Variants in MTERF2 observed in about 807,000 individuals in gnomAD.
MTERF2 encodes mitochondrial transcription termination factor 2.
Under a neutral mutation model 29.2 loss-of-function variants are expected in MTERF2, and 23 were observed. The observed-to-expected ratio is 0.79, with a 90% CI of 0.57 to 1.12. MTERF2 has a LOEUF of 1.12. Among genes scored for constraint, MTERF2 ranks in the 50% most tolerant of loss-of-function variants. MTERF2 has a pLI of 0.00. For missense variants in MTERF2, 440 were observed against 429.4 expected, an observed-to-expected ratio of 1.02 and a Z score of -0.22; for synonymous variants, 157 against 159.5, an observed-to-expected ratio of 0.98 and a Z score of 0.12.
Position 106,977,904 on chromosome 12 carries a change from T to C in MTERF2, c.811A>G (p.Lys271Glu). The C allele has an allele frequency of 6.2e-7, 1 of 1,614,050 alleles. No individual in the cohort carries two copies. Residue 271 changes from lysine (K) to glutamate (E), a missense_variant, in exon 3 of 3, where the codon AAA becomes GAA. Physicochemically the swap from Lys to Glu is moderately conservative, Grantham distance 56 (BLOSUM62 1). Transcript: ENST00000240050. ...TGATCTGTGCATTTAAAAGCATTTT[T>C]AGAGAAGGAAATACTATTCTGTATA... ...RSIQNSISFS[K>E]NAFKCTDHDL...
intron 2 of MTERF2, among the ~76,000 whole-genome samples, chr12:106,982,822 A>G (rs548737434): frequency 6.6e-6 from 1 of 152,356 alleles, no homozygotes; most frequent in Admixed American, 6.5e-5. Context: ...CCTGTCAGGA[A>G]AAACTATCTC....
intron 2 of MTERF2, among the ~76,000 whole-genome samples, chr12:106,983,332 C>T (rs917349306): frequency 6.6e-6 from 1 of 152,162 alleles, no homozygotes; most frequent in Admixed American, 6.5e-5. Flanking sequence ...CCTCCAGACA[C>T]CAGTTACCTC....
chr12:106,983,333 C>T (rs1952073471), intron 2 of MTERF2, among the ~76,000 whole-genome samples: 1 of 152,166 alleles, frequency 6.6e-6, no homozygotes, highest in African/African-American at 2.4e-5. Flanking sequence ...CTCCAGACAC[C>T]AGTTACCTCT....
At position 106,977,728 on chromosome 12, in the gene MTERF2, T is replaced by C. The variant is rs772046361; in HGVS notation, c.987A>G (p.Ile329Met). 2 of 1,614,024 alleles carry C rather than the reference T, an allele frequency of 1.2e-6. No individual in the cohort carries two copies. Among genetic ancestry groups the C allele is most frequent in the African/African-American group, 1.3e-5 (1 of 75,056 alleles). The change falls in exon 3 of 3, where the codon ATA becomes ATG. Residue 329 changes from isoleucine to methionine, a missense_variant. Physicochemically the swap from Ile to Met is conservative, Grantham distance 10 (BLOSUM62 1). Coordinates refer to ENST00000240050, the MANE Select transcript of MTERF2 (RefSeq NM_001033050.3). ...TPMVLELTPQIVQYRIRKLNS... is the reference protein window; with the variant it reads ...TPMVLELTPQMVQYRIRKLNS... The stretch of plus-strand genomic sequence containing the variant: ...TCAGTTTCCTTATCCTGTACTGTAC[T>C]ATCTGTGGTGTTAATTCAAGAACCA...
rs748396297 is a variant in MTERF2 at position 106,978,079 on chromosome 12, C to T, written c.636G>A (p.Leu212=). 4 of 1,613,802 alleles carry T rather than the reference C, an allele frequency of 2.5e-6. No homozygotes were observed. The highest frequency in any genetic ancestry group is 1.7e-5 in the Admixed American group (1 of 59,936). Residue 212 remains leucine, a synonymous_variant, in exon 3 of 3, where the codon TTG becomes TTA. Coordinates refer to ENST00000240050, the MANE Select transcript of MTERF2 (RefSeq NM_001033050.3). ...ACAAAATAAATGGGTTTTGGCTTAA[C>T]AATTTTAGTAGCCAAACTTTCATGT... ...EANMKVWLLK[L]LSQNPFILLN... is the part of the protein sequence containing the mutation.
chr12:106,977,846 G>A lies in MTERF2; in HGVS notation c.869C>T (p.Ala290Val), dbSNP rs1339086004. ...AACTGGAACAGAATAATATAAAAGGGCAGGACATTTCAAAACTAATTGCTT... is the reference window on the plus strand; with the variant it reads ...AACTGGAACAGAATAATATAAAAGGACAGGACATTTCAAAACTAATTGCTT... ...DLKQLVLKCPALLYYSVPVLE... is the reference protein window; with the variant it reads ...DLKQLVLKCPVLLYYSVPVLE... The change falls in exon 3 of 3, where the codon GCC becomes GTC. Residue 290 changes from alanine (A) to valine (V), a missense_variant. By Grantham distance (64) the Ala-to-Val change is moderately conservative. Transcript: ENST00000240050. The A allele has an allele frequency of 6.2e-7, 1 of 1,613,862 alleles. No individual in the cohort carries two copies. Among genetic ancestry groups the A allele is most frequent in the African/African-American group, 1.3e-5 (1 of 75,040 alleles).
chr12:106,979,101 T>G lies in MTERF2; in HGVS notation c.-57-330A>C, dbSNP rs1477691986. ...TATCTTATACTTTGTAAATACACTG[T>G]TGAGTTACTTCCATTTTACAGAAGA... On this transcript the variant is annotated intron_variant, in intron 2 of 2. Coordinates refer to ENST00000240050, the MANE Select transcript of MTERF2 (RefSeq NM_001033050.3). Among the ~76,000 whole-genome samples the G allele has an allele frequency of 2.6e-5, 4 of 152,142 alleles. No homozygotes were observed. The East Asian group carries it at 7.7e-4, about 29-fold the overall frequency.
chr12:106,984,705 A>G (rs186503334), intron 2 of MTERF2, among the ~76,000 whole-genome samples: 1 of 152,296 alleles, frequency 6.6e-6, no homozygotes, highest in African/African-American at 2.4e-5. Flanking sequence ...ATGGTTTTAT[A>G]AGGGGAAACC....
rs370515257 is a variant in MTERF2 at position 106,978,344 on chromosome 12, T to C, written c.371A>G (p.Lys124Arg). 9.3e-6 allele frequency: 15 copies of C among 1,614,112 alleles called. No homozygotes were observed. The highest frequency in any genetic ancestry group is 1.3e-5 in the African/African-American group (1 of 74,938). The part of the protein sequence containing the change: ...TQRKLWQLVC[K>R]NEEELIKLIE... Reference sequence around the variant, plus strand: ...TAACTTGATTAACTCTTCCTCATTTTTGCAGACCAACTGCCAGAGTTTTCT... The same window carrying C: ...TAACTTGATTAACTCTTCCTCATTTCTGCAGACCAACTGCCAGAGTTTTCT... Residue 124 changes from lysine to arginine, a missense_variant, in exon 3 of 3, where the codon AAA (lysine) becomes AGA (arginine). Coordinates refer to ENST00000240050, the MANE Select transcript of MTERF2 (RefSeq NM_001033050.3).
chr12:106,982,872 C>T (rs1434637903), intron 2 of MTERF2, among the ~76,000 whole-genome samples: 2 of 152,132 alleles, frequency 1.3e-5, no homozygotes, highest in African/African-American at 2.4e-5. Flanking sequence ...ATTCTCTCAT[C>T]AGTTTTTATT....
At chr12:106,982,139 C>T (rs1952059328) in intron 2 of MTERF2, among the ~76,000 whole-genome samples, 1 of 152,168 alleles carries the variant, frequency 6.6e-6, no homozygotes. Flanking sequence ...ATCCGTCATT[C>T]TGTATAATGT....
Position 106,978,359 on chromosome 12 carries a change from CAG to C in MTERF2, c.354_355del (p.Trp119AlafsTer7), listed in dbSNP as rs765612616. The C allele has an allele frequency of 4.6e-5, 75 of 1,613,958 alleles. 2 individuals carry two copies. The Middle Eastern group carries it at 3.0e-3, about 64-fold the overall frequency. ...TTCCTCATTTTTGCAGACCAACTGC[CAG>C]AGTTTTCTCTGGGTGTTAACAGCGG... On this transcript the variant is annotated frameshift_variant, in exon 3 of 3. Coordinates refer to ENST00000240050, the MANE Select transcript of MTERF2 (RefSeq NM_001033050.3). LOFTEE classifies it high-confidence loss of function.
At position 106,978,669 on chromosome 12, in the gene MTERF2, AAC is replaced by A; in HGVS notation, c.44_45del (p.Cys15PhefsTer23). ...LLLRSQSCRL[C>X]SFRKMRSPPK... ...GGAGGTGATCGCATCTTTCTGAAAG[AAC>A]ACAGCCTGCAGGACTGGGATCTCAG... On this transcript the variant is annotated frameshift_variant, in exon 3 of 3. Coordinates refer to ENST00000240050, the MANE Select transcript of MTERF2 (RefSeq NM_001033050.3). LOFTEE classifies it high-confidence loss of function. The A allele has an allele frequency of 6.2e-7, 1 of 1,614,212 alleles. No individual in the cohort carries two copies. Among genetic ancestry groups the A allele is most frequent in the Non-Finnish European group, 8.5e-7 (1 of 1,180,026 alleles).
intron 2 of MTERF2, among the ~76,000 whole-genome samples, chr12:106,982,660 A>G (rs1047838330): frequency 1.3e-5 from 2 of 152,226 alleles, no homozygotes; most frequent in East Asian, 3.8e-4. Context: ...TTCATTCCTT[A>G]TATTGAGCAT....
chr12:106,983,188 AC>A (rs1952071333), intron 2 of MTERF2, among the ~76,000 whole-genome samples: 1 of 152,216 alleles, frequency 6.6e-6, no homozygotes, highest in African/African-American at 2.4e-5. Context: ...CAAAAAATTT[AC>A]CATTTAAACC....
intron 2 of MTERF2, among the ~76,000 whole-genome samples, chr12:106,979,859 C>T (rs1952035519): frequency 1.3e-5 from 2 of 152,100 alleles, no homozygotes; most frequent in South Asian, 2.1e-4. Context: ...GAGAATTAGA[C>T]ATAAGATACA....
intron 2 of MTERF2, among the ~76,000 whole-genome samples, chr12:106,984,229 C>T (rs1179418934): frequency 6.6e-6 from 1 of 152,180 alleles, no homozygotes; most frequent in African/African-American, 2.4e-5. Context: ...CCAGCCATCA[C>T]TCCACTGCTC....
At position 106,978,279 on chromosome 12, in the gene MTERF2, G is replaced by C; in HGVS notation, c.436C>G (p.Gln146Glu). 1 of 1,613,906 alleles carries C rather than the reference G, an allele frequency of 6.2e-7. No homozygotes were observed. The highest frequency in any genetic ancestry group is 8.5e-7 in the Non-Finnish European group (1 of 1,179,986). Residue 146 changes from glutamine (Q) to glutamate (E), a missense_variant, in exon 3 of 3, where the codon CAA (glutamine) becomes GAA (glutamate). Coordinates refer to ENST00000240050, the MANE Select transcript of MTERF2 (RefSeq NM_001033050.3). ...FPESFFTIKD[Q>E]ENQKLNVQFF... ...TGAACATTCAGCTTCTGGTTCTCTT[G>C]GTCTTTAATAGTAAAGAAAGATTCT...
intron 2 of MTERF2, among the ~76,000 whole-genome samples, chr12:106,979,787 C>T (rs890646184): frequency 2.6e-5 from 4 of 152,322 alleles, no homozygotes; most frequent in African/African-American, 4.8e-5. Context: ...GACACATTAA[C>T]AGTCTTTGCC....
Sources: gnomAD v4.1 joint callset for allele counts (sites outside exome capture counted in the v4.1 genomes callset) on GRCh38, gnomAD v4.1.1 for gene constraint, MANE v1.5 for transcripts, NCBI Gene and HGNC (gene_info 2026-07-23, HGNC 2026-07-21) for gene names.